GSTCD: variants seen among roughly 807,000 people sequenced by gnomAD.
GSTCD encodes glutathione S-transferase C-terminal domain-containing protein.
In GSTCD, 44 loss-of-function variants were observed where a neutral mutation model predicts 68.3. The observed-to-expected ratio is 0.64, with a 90% CI of 0.51 to 0.83. GSTCD has a LOEUF of 0.83. Ranked by LOEUF, GSTCD falls within the 40% of genes least tolerant of loss-of-function variation. The pLI, the probability that GSTCD is intolerant of heterozygous loss-of-function variation, is 0.00. For missense variants in GSTCD, 739 were observed against 735.9 expected (o/e 1.00, Z -0.05); for synonymous variants, 273 against 255.2 (o/e 1.07, Z -0.67).
At chr4:105,733,338 T>C (rs956126642) in intron 5 of GSTCD, among the ~76,000 whole-genome samples, 1 of 152,228 alleles carries the variant, frequency 6.6e-6, no homozygotes, top group Non-Finnish European at 1.5e-5. Context: ...TCTTTGTAGG[T>C]CTCTAAGGAC....
intron 9 of GSTCD, among the ~76,000 whole-genome samples, 171 bp from the exon 10 acceptor site, chr4:105,837,688 A>C (rs1007475204): frequency 1.3e-5 from 2 of 152,200 alleles, no homozygotes; most frequent in African/African-American, 4.8e-5. Flanking sequence ...TATTGATGAT[A>C]TGCTTTTCTG....
intron 5 of GSTCD, among the ~76,000 whole-genome samples, chr4:105,760,167 CAAAAAAA>C (rs34613169): frequency 4.4e-5 from 6 of 135,880 alleles, no homozygotes; most frequent in Admixed American, 2.2e-4. Context: ...AAAAAATAGG[CAAAAAAA>C]AAAAAAAAAA....
chr4:105,826,771 G>C (rs1390593112), intron 8 of GSTCD, among the ~76,000 whole-genome samples: 1 of 151,896 alleles, frequency 6.6e-6, no homozygotes, highest in African/African-American at 2.4e-5. Flanking sequence ...GAATTTTGAT[G>C]CATTTGCCAA....
chr4:105,744,432 A>G (rs1376659954), intron 5 of GSTCD, among the ~76,000 whole-genome samples: 1 of 152,168 alleles, frequency 6.6e-6, no homozygotes, highest in Non-Finnish European at 1.5e-5. Context: ...TAGTTACAAA[A>G]TGGTGATTTT....
At chr4:105,771,089 T>C (rs899867956) in intron 5 of GSTCD, among the ~76,000 whole-genome samples, 2 of 152,188 alleles carry the variant, frequency 1.3e-5, no homozygotes, top group Non-Finnish European at 2.9e-5. Flanking sequence ...TGGTATCTCA[T>C]TGTGGTTTTG....
intron 5 of GSTCD, among the ~76,000 whole-genome samples, chr4:105,752,315 G>A (rs1047484448): frequency 7.9e-5 from 12 of 151,976 alleles, no homozygotes; most frequent in Admixed American, 7.9e-4. Flanking sequence ...ATTATGTTAT[G>A]CTTTGTTCTC....
Position 105,823,955 on chromosome 4 carries a change from G to T in GSTCD, c.1401+680G>T, listed in dbSNP as rs1228195055. Reference sequence around the variant, plus strand: ...ATGTATTCAATCATTGCCACAATTTGTTAGAATTTTGTGCTGATTTTAGTC... The same window carrying T: ...ATGTATTCAATCATTGCCACAATTTTTTAGAATTTTGTGCTGATTTTAGTC... On this transcript the variant is annotated intron_variant, in intron 7 of 11. Transcript: ENST00000515279. Among the ~76,000 whole-genome samples, 6 of 152,086 alleles carry T rather than the reference G, an allele frequency of 3.9e-5. 1 individual carries two copies. The highest frequency in any genetic ancestry group is 2.9e-5 in the Non-Finnish European group (2 of 68,000).
At chr4:105,786,403 T>C (rs1257967270) in intron 5 of GSTCD, among the ~76,000 whole-genome samples, 1 of 151,836 alleles carries the variant, frequency 6.6e-6, no homozygotes, top group Non-Finnish European at 1.5e-5. Context: ...TCCCAGCTAC[T>C]AAGGAGACTG....
intron 5 of GSTCD, among the ~76,000 whole-genome samples, chr4:105,798,138 C>CT (rs1370451820): frequency 2.0e-5 from 3 of 152,048 alleles, no homozygotes; most frequent in East Asian, 3.9e-4. Flanking sequence ...CAAGAAACCA[C>CT]TTTTTTTGCT....
chr4:105,772,213 T>G (rs1734877356), intron 5 of GSTCD, among the ~76,000 whole-genome samples: 1 of 152,188 alleles, frequency 6.6e-6, no homozygotes, highest in African/African-American at 2.4e-5. Flanking sequence ...CACACTACTT[T>G]GTATACAACT....
intron 5 of GSTCD, among the ~76,000 whole-genome samples, chr4:105,759,906 C>A (rs1734337084): frequency 6.6e-6 from 1 of 151,996 alleles, no homozygotes; most frequent in Non-Finnish European, 1.5e-5. Context: ...TACCTTAGTT[C>A]CTCAAAGCCA....
intron 5 of GSTCD, among the ~76,000 whole-genome samples, chr4:105,756,124 A>G (rs928105274): frequency 5.3e-5 from 8 of 152,226 alleles, no homozygotes; most frequent in African/African-American, 1.4e-4. Context: ...GCAAGGTCTG[A>G]AAAGGTCCTG....
intron 5 of GSTCD, among the ~76,000 whole-genome samples, chr4:105,783,690 CAG>C (rs1341439653): frequency 6.6e-6 from 1 of 152,128 alleles, no homozygotes; most frequent in Non-Finnish European, 1.5e-5. Flanking sequence ...TGATCAAAGT[CAG>C]GAATTTTAAT....
chr4:105,818,281 G>T (rs187487684), intron 5 of GSTCD, among the ~76,000 whole-genome samples: 27 of 140,620 alleles, frequency 1.9e-4, no homozygotes, highest in Admixed American at 6.7e-4. Context: ...TTTCTCTTTT[G>T]TCTTGAAAAA....
chr4:105,743,005 A>G (rs1350419556), intron 5 of GSTCD, among the ~76,000 whole-genome samples: 1 of 149,126 alleles, frequency 6.7e-6, no homozygotes, highest in East Asian at 2.0e-4. Flanking sequence ...GCTAGAGTGC[A>G]GTGCCGCGAT....
At chr4:105,824,280 G>A (rs1025737027) in intron 7 of GSTCD, among the ~76,000 whole-genome samples, 4 of 152,114 alleles carry the variant, frequency 2.6e-5, no homozygotes, top group Non-Finnish European at 1.5e-5. Context: ...GGGAGAAGAG[G>A]CAGTTGTTTG....
chr4:105,771,427 G>A (rs892331011), intron 5 of GSTCD, among the ~76,000 whole-genome samples: 1 of 152,126 alleles, frequency 6.6e-6, no homozygotes, highest in Admixed American at 6.5e-5. Flanking sequence ...TGGTGTTTTA[G>A]TCATGAAGTC....
intron 5 of GSTCD, among the ~76,000 whole-genome samples, chr4:105,796,037 A>G (rs887884558): frequency 1.3e-5 from 2 of 152,208 alleles, no homozygotes; most frequent in Non-Finnish European, 2.9e-5. Flanking sequence ...TTACCTGTGT[A>G]TTAGTCTGTT....
At chr4:105,726,409 T>G (rs530422376) in intron 3 of GSTCD, among the ~76,000 whole-genome samples, 170 bp from the exon 4 acceptor site, 14 of 152,202 alleles carry the variant, frequency 9.2e-5, no homozygotes, top group Non-Finnish European at 1.5e-5. Flanking sequence ...ATTTCGGGGG[T>G]GACGTAAGTG....
Sources: gnomAD v4.1 joint callset for allele counts (sites outside exome capture counted in the v4.1 genomes callset) on GRCh38, gnomAD v4.1.1 for gene constraint, MANE v1.5 for transcripts, NCBI Gene and HGNC (gene_info 2026-07-23, HGNC 2026-07-21) for gene names.